COQ8B: variants seen among roughly 807,000 people sequenced by gnomAD.
COQ8B encodes the protein atypical kinase COQ8B, mitochondrial.
Under a neutral mutation model 62.0 loss-of-function variants are expected in COQ8B, and 44 were observed. That is an observed-to-expected ratio of 0.71 (90% CI 0.56 to 0.91). The LOEUF is 0.91. Among genes scored for constraint, COQ8B ranks in the 40% least tolerant of loss-of-function variants. COQ8B has a pLI of 0.00. For missense variants in COQ8B, 649 were observed against 731.6 expected (o/e 0.89, Z 1.30); for synonymous variants, 252 against 289.9 (o/e 0.87, Z 1.33).
At position 40,710,287 on chromosome 19, in the gene COQ8B, C is replaced by G. The variant is rs537610666; in HGVS notation, c.290-151G>C. The G allele has an allele frequency of 4.2e-6, 3 of 715,844 alleles. No homozygotes were observed. In the African/African-American group the frequency reaches 5.4e-5, roughly 13 times the overall value. 44.3% of individuals were successfully genotyped at this position (715,844 alleles called of 1,614,324 possible). A position where few individuals can be genotyped will look rare whatever the true frequency, so the allele number is the denominator to read the frequency against. Reference sequence around the variant, plus strand: ...TGAGATGGAGTCTCGCTCTGTTGCCCAGGCTGGAGTGTGGTGGCACAATCT... The same window carrying G: ...TGAGATGGAGTCTCGCTCTGTTGCCGAGGCTGGAGTGTGGTGGCACAATCT... On this transcript the variant is annotated intron_variant, in intron 4 of 14. Transcript: ENST00000324464.
chr19:40,714,790 G>A (rs1354228926), intron 1 of COQ8B, 155 bp from the exon 2 acceptor site: 2 of 1,327,858 alleles, frequency 1.5e-6, no homozygotes, highest in Non-Finnish European at 9.8e-7. Context: ...TTCTCCCCTG[G>A]TTGCTAGGAA....
At chr19:40,703,111 C>T (rs908397602) in intron 9 of COQ8B, among the ~76,000 whole-genome samples, 1 of 152,168 alleles carries the variant, frequency 6.6e-6, no homozygotes, top group African/African-American at 2.4e-5. Context: ...TACTGACTCT[C>T]ACGTTGCTCA....
intron 10 of COQ8B, 48 bp from the exon 11 acceptor site, chr19:40,700,499 T>G (rs780642932): frequency 6.3e-7 from 1 of 1,588,252 alleles, no homozygotes; most frequent in Admixed American, 1.7e-5. Flanking sequence ...TTCAGGCTTG[T>G]GACCCAGCTT....
chr19:40,694,650 C>T (rs1433303921), intron 13 of COQ8B, among the ~76,000 whole-genome samples: 1 of 152,224 alleles, frequency 6.6e-6, no homozygotes, highest in Non-Finnish European at 1.5e-5. Flanking sequence ...GATCACCAGG[C>T]TTCACATGCA....
Position 40,704,684 on chromosome 19 carries a change from C to G in COQ8B, c.576+412G>C, listed in dbSNP as rs548606281. 6.1e-5 allele frequency: 10 copies of G among 165,130 alleles called. No homozygotes were observed. In the South Asian group the frequency reaches 9.0e-4, roughly 15 times the overall value. The allele number at this position is 165,130 out of a possible 1,614,324, so 10.2% of individuals were successfully genotyped here. A position where few individuals can be genotyped will look rare whatever the true frequency, so the allele number is the denominator to read the frequency against. On this transcript the variant is annotated intron_variant, in intron 7 of 14. Transcript: ENST00000324464. Reference sequence around the variant, plus strand: ...ACCCAGTTATTAGAACAGCTCATGTCCTGGGCACTTACTTGGTGCCAGGCG... The same window carrying G: ...ACCCAGTTATTAGAACAGCTCATGTGCTGGGCACTTACTTGGTGCCAGGCG...
At chr19:40,693,528 C>A (rs1427845346) in intron 13 of COQ8B, among the ~76,000 whole-genome samples, 5 of 152,110 alleles carry the variant, frequency 3.3e-5, no homozygotes, top group African/African-American at 1.2e-4. Context: ...AGCAAATGAG[C>A]GTGTGGAGCA....
chr19:40,715,061 C>G lies in COQ8B; in HGVS notation c.-3-426G>C, dbSNP rs1191503952. 3.0e-6 allele frequency: 3 copies of G among 990,098 alleles called. No homozygotes were observed. The African/African-American group carries it at 5.2e-5, about 17-fold the overall frequency. 61.3% of individuals were successfully genotyped at this position (990,098 alleles called of 1,614,324 possible). ...CCCCCGTTGCTAAGCACCCACTGCT[C>G]TCAGCCTCCGAGTCCGCAACCTGCT... On this transcript the variant is annotated intron_variant, in intron 1 of 14. Transcript: ENST00000324464.
chr19:40,701,824 C>G lies in COQ8B; in HGVS notation c.893+776G>C, dbSNP rs60017323. ...TTCACTCTCTGTCTACAGAGCTTGG[C>G]ACGTTTTAGGCTGTCAATAAATGTG... On this transcript the variant is annotated intron_variant, in intron 10 of 14. Coordinates refer to ENST00000324464, the MANE Select transcript of COQ8B (RefSeq NM_024876.4). Among the ~76,000 whole-genome samples, 562 of 152,318 alleles carry G rather than the reference C, an allele frequency of 3.7e-3. 1 individual carries two copies. Among genetic ancestry groups the G allele is most frequent in the African/African-American group, 0.013 (548 of 41,572 alleles).
chr19:40,704,042 G>A (rs2144700130), intron 7 of COQ8B, 187 bp from the exon 8 acceptor site: 1 of 690,596 alleles, frequency 1.4e-6, no homozygotes, highest in South Asian at 2.0e-5. Context: ...TGACTAGCCA[G>A]GCACTGGCAG....
intron 10 of COQ8B, among the ~76,000 whole-genome samples, chr19:40,702,015 G>A (rs2082064428): frequency 6.6e-6 from 1 of 152,206 alleles, no homozygotes; most frequent in Non-Finnish European, 1.5e-5. Context: ...CACCCTGCTG[G>A]ATAAACTTGA....
intron 10 of COQ8B, chr19:40,701,316 G>A (rs938138550): frequency 4.6e-5 from 7 of 152,200 alleles, no homozygotes; most frequent in Admixed American, 2.6e-4. Flanking sequence ...AAAACAGAGC[G>A]AGACCCTGTC....
chr19:40,713,742 G>A (rs536496538), intron 4 of COQ8B, among the ~76,000 whole-genome samples: 23 of 147,076 alleles, frequency 1.6e-4, no homozygotes, highest in South Asian at 1.5e-3. Context: ...AAAATTACCC[G>A]GGCGGATGGT....
At chr19:40,713,915 A>C in intron 4 of COQ8B, 152 bp downstream of exon 4, 1 of 676,496 alleles carries the variant, frequency 1.5e-6, no homozygotes, top group Non-Finnish European at 2.5e-6. Context: ...GTTCCTCTTG[A>C]TTTCTCTTGG....
intron 5 of COQ8B, among the ~76,000 whole-genome samples, chr19:40,706,704 C>G (rs1169199966): frequency 6.6e-6 from 1 of 152,198 alleles, no homozygotes; most frequent in African/African-American, 2.4e-5. Flanking sequence ...AAGGGATCCT[C>G]CCGCCCCAGC....
chr19:40,700,427 G>T lies in COQ8B; in HGVS notation c.918C>A (p.Phe306Leu), dbSNP rs1330404989. Residue 306 changes from phenylalanine (F) to leucine (L), a missense_variant, in exon 11 of 15, where the codon TTC becomes TTA. Coordinates refer to ENST00000324464, the MANE Select transcript of COQ8B (RefSeq NM_024876.4). ...CCTTAACCACGGCTGGGACCCGGAAGAAGGGGTCATTTGCCAGCAGCTGCC... is the reference window on the plus strand; with the variant it reads ...CCTTAACCACGGCTGGGACCCGGAATAAGGGGTCATTTGCCAGCAGCTGCC... ...NFRQLLANDPFFRVPAVVKEL... is the reference protein window; with the variant it reads ...NFRQLLANDPLFRVPAVVKEL... 6.2e-7 allele frequency: 1 copy of T among 1,613,728 alleles called. No individual in the cohort carries two copies. The highest frequency in any genetic ancestry group is 2.2e-5 in the East Asian group (1 of 44,900).
At chr19:40,703,337 C>A in intron 9 of COQ8B, 1 of 579,474 alleles carries the variant, frequency 1.7e-6, no homozygotes, top group Non-Finnish European at 3.0e-6. Flanking sequence ...CTCTCTAAGG[C>A]TCTGTTAAAA....
intron 9 of COQ8B, 141 bp downstream of exon 9, chr19:40,703,400 G>A (rs2082076351): frequency 1.2e-6 from 1 of 831,690 alleles, no homozygotes; most frequent in East Asian, 2.8e-5. Context: ...TCCCCGCCTT[G>A]GTGTCCTTTC....
At chr19:40,715,414 G>C in intron 1 of COQ8B, 1 of 985,654 alleles carries the variant, frequency 1.0e-6, no homozygotes, top group Non-Finnish European at 1.2e-6. Flanking sequence ...TCTTCTGCAC[G>C]AATATCTTGC....
chr19:40,714,232 C>CA (rs771093270), intron 3 of COQ8B, 46 bp downstream of exon 3: 1 of 1,605,152 alleles, frequency 6.2e-7, no homozygotes, highest in Non-Finnish European at 8.5e-7. Context: ...CTCAGGGGGC[C>CA]AGCAGTATTC....
Sources: allele counts gnomAD v4.1 joint callset (sites outside exome capture counted in the v4.1 genomes callset), GRCh38; gene constraint gnomAD v4.1.1; transcripts MANE v1.5; gene names NCBI Gene and HGNC (gene_info 2026-07-23, HGNC 2026-07-21).